The following FTCDNL1 variants were observed in gnomAD, a reference collection of about 807,000 sequenced individuals.
The protein encoded by FTCDNL1 is formiminotransferase N-terminal subdomain-containing protein.
A neutral mutation model predicts 5.9 loss-of-function variants in FTCDNL1; 11 were observed. The ratio of observed to expected loss-of-function variants is 1.87; its 90% confidence interval spans 1.18 to 3.10. The LOEUF is 3.10. FTCDNL1 is among the 30% of genes most tolerant of loss of function. The pLI is 0.00. For synonymous variants in FTCDNL1, 58 were observed against 24.8 expected, an observed-to-expected ratio of 2.34 and a Z score of -3.99; for missense variants, 115 against 65.5, an observed-to-expected ratio of 1.76 and a Z score of -2.61.
At chr2:199,716,801 TTTCCTGGATAA>T in the FTCDNL1 span, among the ~76,000 whole-genome samples, 2 of 152,298 alleles carry the variant, frequency 1.3e-5, no homozygotes, top group African/African-American at 2.4e-5. Flanking sequence ...AAATTAGCAG[TTTCCTGGATAA>T]TTCCTGGATA....
chr2:199,679,209 G>C, the FTCDNL1 span, among the ~76,000 whole-genome samples: 2 of 151,868 alleles, frequency 1.3e-5, no homozygotes, highest in Non-Finnish European at 2.9e-5. Context: ...ATTGTTTATG[G>C]TTCTTCTGTG....
intron 3 of FTCDNL1, among the ~76,000 whole-genome samples, chr2:199,804,266 G>T (rs1212420804): frequency 4.6e-5 from 7 of 152,252 alleles, no homozygotes; most frequent in Admixed American, 3.9e-4. Flanking sequence ...CTTCAGACGG[G>T]GCTTCCTGAG....
At chr2:199,777,364 A>G (rs1253315891) in intron 3 of FTCDNL1, among the ~76,000 whole-genome samples, 1 of 152,086 alleles carries the variant, frequency 6.6e-6, no homozygotes, top group Non-Finnish European at 1.5e-5. Context: ...AGAAAATCCA[A>G]ACTCTGCAGG....
At chr2:199,694,589 G>A in the FTCDNL1 span, among the ~76,000 whole-genome samples, 1 of 152,186 alleles carries the variant, frequency 6.6e-6, no homozygotes, top group Admixed American at 6.5e-5. Flanking sequence ...ACTTTGGAAG[G>A]CTGAGGCAAG....
At chr2:199,704,648 T>C in the FTCDNL1 span, among the ~76,000 whole-genome samples, 1 of 152,106 alleles carries the variant, frequency 6.6e-6, no homozygotes, top group East Asian at 1.9e-4. Context: ...TTTAGAAAAC[T>C]GTACAGTGCA....
chr2:199,713,776 C>T, the FTCDNL1 span, among the ~76,000 whole-genome samples: 3 of 152,084 alleles, frequency 2.0e-5, no homozygotes, highest in Admixed American at 6.6e-5. Context: ...TAAATAGTAA[C>T]AATAATCTGA....
rs111496546 is a variant in FTCDNL1 at position 199,819,759 on chromosome 2, T to G, written c.212-2A>C. 2.3e-5 allele frequency: 16 copies of G among 688,222 alleles called. No homozygotes were observed. The highest frequency in any genetic ancestry group is 7.0e-5 in the African/African-American group (4 of 56,910). 42.6% of individuals were successfully genotyped at this position (688,222 alleles called of 1,614,324 possible). On this transcript the variant is annotated splice_acceptor_variant, in intron 3 of 4. Coordinates refer to ENST00000420128, the MANE Select transcript of FTCDNL1 (RefSeq NM_001363886.2). LOFTEE classifies it high-confidence loss of function. ...GCAGCACCAGATCCTCAGCAAGGCC[T>G]GTGGCAGAGGGAATTTTAACCAAAG...
At chr2:199,673,327 C>CAAA in the FTCDNL1 span, among the ~76,000 whole-genome samples, 2,494 of 69,628 alleles carry the variant, frequency 0.036, 181 homozygotes, top group African/African-American at 0.14. Context: ...GACTCTGTCT[C>CAAA]AAAAAAAAAA....
At chr2:199,707,419 G>T in the FTCDNL1 span, among the ~76,000 whole-genome samples, 1 of 151,980 alleles carries the variant, frequency 6.6e-6, no homozygotes, top group East Asian at 1.9e-4. Flanking sequence ...TGTCTTTCAA[G>T]AAATTTGCCC....
intron 3 of FTCDNL1, among the ~76,000 whole-genome samples, chr2:199,839,928 G>A (rs1222114167): frequency 6.6e-6 from 1 of 152,120 alleles, no homozygotes; most frequent in Non-Finnish European, 1.5e-5. Flanking sequence ...ACTAAAGGAT[G>A]TGTTCCACCA....
intron 3 of FTCDNL1, among the ~76,000 whole-genome samples, chr2:199,773,485 T>C (rs992029369): frequency 2.6e-5 from 4 of 152,192 alleles, no homozygotes; most frequent in African/African-American, 4.8e-5. Context: ...CATAGGTCCC[T>C]TTGGGGAAAA....
Position 199,811,645 on chromosome 2 carries a change from T to C in FTCDNL1, c.*1060A>G, listed in dbSNP as rs866991857. Reference sequence around the variant, plus strand: ...TCAAAGGAAGTTCCTGCATGTGGACTTGGGGCTTTCCCCATGACATGGGTC... The same window carrying C: ...TCAAAGGAAGTTCCTGCATGTGGACCTGGGGCTTTCCCCATGACATGGGTC... On this transcript the variant is annotated 3_prime_UTR_variant, in exon 5 of 5. Transcript: ENST00000420128. Among the ~76,000 whole-genome samples the C allele has an allele frequency of 3.9e-5, 6 of 152,372 alleles. No homozygotes were observed. The highest frequency in any genetic ancestry group is 6.8e-3 in the Middle Eastern group (2 of 294).
downstream of FTCDNL1, among the ~76,000 whole-genome samples, chr2:199,758,866 T>C (rs1698162485): frequency 6.6e-6 from 1 of 152,152 alleles, no homozygotes; most frequent in Non-Finnish European, 1.5e-5. Context: ...TGTCAAAACA[T>C]TGTTTGTACT....
intron 3 of FTCDNL1, among the ~76,000 whole-genome samples, chr2:199,831,909 C>A (rs1384900495): frequency 2.6e-5 from 4 of 152,092 alleles, no homozygotes; most frequent in Non-Finnish European, 1.5e-5. Flanking sequence ...TGCTTTCCAG[C>A]TATGGAATGA....
rs1701063992 is a variant in FTCDNL1, at chr2:199,811,999, C to T, written c.*706G>A. ...TCATTTTTTAAGCAAAATAAAACAT[C>T]AGAAATAACTTTCATATGCTTTTAA... On this transcript the variant is annotated 3_prime_UTR_variant, in exon 5 of 5. Coordinates refer to ENST00000420128, the MANE Select transcript of FTCDNL1 (RefSeq NM_001363886.2). Among the ~76,000 whole-genome samples the T allele has an allele frequency of 6.6e-6, 1 of 152,148 alleles. No individual in the cohort carries two copies. The highest frequency in any genetic ancestry group is 2.4e-5 in the African/African-American group (1 of 41,458).
intron 3 of FTCDNL1, among the ~76,000 whole-genome samples, chr2:199,794,079 A>G (rs747205097): frequency 3.9e-5 from 6 of 152,194 alleles, no homozygotes; most frequent in Non-Finnish European, 5.9e-5. Flanking sequence ...AATACTCTAA[A>G]TTTCATCATT....
the FTCDNL1 span, among the ~76,000 whole-genome samples, chr2:199,739,061 G>A: frequency 1.3e-5 from 2 of 152,192 alleles, no homozygotes; most frequent in Non-Finnish European, 2.9e-5. Context: ...CAGAAGGAAG[G>A]AAGAAATGCA....
Position 199,802,887 on chromosome 2 carries a change from A to G in FTCDNL1, c.212-42052T>C, listed in dbSNP as rs554116760. ...AGCTAATAGTTCTTTCAGGTACAAA[A>G]AGGAATAAATGGGCAAGAACTCAGA... On this transcript the variant is annotated intron_variant, in intron 3 of 3. Coordinates refer to the FTCDNL1 transcript ENST00000416668. Among the ~76,000 whole-genome samples, 115 of 152,286 alleles carry G rather than the reference A, an allele frequency of 7.6e-4. No individual in the cohort carries two copies. In the South Asian group the frequency reaches 0.014, roughly 19 times the overall value.
the FTCDNL1 span, among the ~76,000 whole-genome samples, chr2:199,737,631 A>C: frequency 0.016 from 2,391 of 152,232 alleles, 68 homozygotes; most frequent in East Asian, 0.16. Flanking sequence ...GAAAAAAATT[A>C]ATTTTGTGTG....
Sources: allele counts gnomAD v4.1 joint callset (sites outside exome capture counted in the v4.1 genomes callset), GRCh38; gene constraint gnomAD v4.1.1; transcripts MANE v1.5; gene names NCBI Gene and HGNC (gene_info 2026-07-23, HGNC 2026-07-21).